EXT1: variants seen among roughly 807,000 people sequenced by gnomAD.
EXT1 encodes the protein exostosin-1.
In EXT1, 20 loss-of-function variants were observed where a neutral mutation model predicts 82.5. That is an observed-to-expected ratio of 0.24 (90% CI 0.17 to 0.35). The LOEUF (loss-of-function observed/expected upper bound fraction) is 0.35, where lower values mean the gene tolerates loss of function less well. Among genes scored for constraint, EXT1 ranks in the 10% least tolerant of loss-of-function variants. The pLI, the probability that EXT1 is intolerant of heterozygous loss-of-function variation, is 1.00. For synonymous variants in EXT1, 348 were observed against 350.8 expected (o/e 0.99, Z 0.09); for missense variants, 757 against 936.5 (o/e 0.81, Z 2.50).
intron 1 of EXT1, among the ~76,000 whole-genome samples, chr8:117,872,423 G>C (rs956738109): frequency 3.3e-5 from 5 of 151,814 alleles, no homozygotes; most frequent in African/African-American, 7.3e-5. Context: ...GTTCTTAATT[G>C]CTACATTGCA....
intron 1 of EXT1, among the ~76,000 whole-genome samples, chr8:118,109,775 A>C (rs1817860460): frequency 6.6e-6 from 1 of 152,152 alleles, no homozygotes. Flanking sequence ...TGCAGTTACT[A>C]AACTTGGATC....
intron 1 of EXT1, among the ~76,000 whole-genome samples, chr8:118,074,815 A>G (rs969085184): frequency 6.6e-6 from 1 of 152,220 alleles, no homozygotes; most frequent in African/African-American, 2.4e-5. Flanking sequence ...ATCCCTTTAC[A>G]ACTCTGTTAA....
intron 1 of EXT1, among the ~76,000 whole-genome samples, chr8:118,077,734 A>C (rs1474871548): frequency 6.6e-6 from 1 of 152,244 alleles, no homozygotes; most frequent in African/African-American, 2.4e-5. Context: ...ACAATTAAAA[A>C]AATGTTTTTA....
intron 8 of EXT1, 84 bp downstream of exon 8, chr8:117,812,788 C>T (rs183882957): frequency 3.3e-5 from 41 of 1,245,696 alleles, no homozygotes; most frequent in East Asian, 4.8e-5. Flanking sequence ...TGCCAAGGCA[C>T]GGCTAAAAGA....
chr8:117,800,006 C>T, intron 10 of EXT1, 109 bp from the exon 11 acceptor site: 1 of 1,162,668 alleles, frequency 8.6e-7, no homozygotes, highest in South Asian at 1.4e-5. Context: ...AGCTTGGGGT[C>T]TGGCCCGGCC....
chr8:118,069,838 A>G (rs2255931), intron 1 of EXT1, among the ~76,000 whole-genome samples: 50,318 of 151,964 alleles, frequency 0.33, 9,290 homozygotes, highest in East Asian at 0.49. Flanking sequence ...GTAATAATAC[A>G]GTGATCTTTT....
chr8:118,024,315 A>C (rs962867225), intron 1 of EXT1, among the ~76,000 whole-genome samples: 1 of 152,194 alleles, frequency 6.6e-6, no homozygotes, highest in African/African-American at 2.4e-5. Flanking sequence ...AAAATACCTA[A>C]GGTCTACAGA....
chr8:117,988,349 C>T (rs568353778), intron 1 of EXT1, among the ~76,000 whole-genome samples: 1 of 152,248 alleles, frequency 6.6e-6, no homozygotes, highest in African/African-American at 2.4e-5. Context: ...TTAGAGCACA[C>T]AAGGCTCACT....
At chr8:117,923,151 C>T (rs189279053) in intron 1 of EXT1, among the ~76,000 whole-genome samples, 149 of 151,944 alleles carry the variant, frequency 9.8e-4, no homozygotes, top group African/African-American at 3.3e-3. Flanking sequence ...ATGGTGAAAC[C>T]CCGTCTTTAC....
At chr8:118,002,528 C>CT (rs60354141) in intron 1 of EXT1, among the ~76,000 whole-genome samples, 934 of 87,060 alleles carry the variant, frequency 0.011, 23 homozygotes, top group Middle Eastern at 0.015. Context: ...GAATATTTTT[C>CT]TTTTTTTTTT....
intron 1 of EXT1, among the ~76,000 whole-genome samples, chr8:117,959,869 T>C (rs182275272): frequency 2.0e-4 from 30 of 152,344 alleles, no homozygotes; most frequent in Non-Finnish European, 5.9e-5. Flanking sequence ...AGCTTCATTG[T>C]GACTTCACAG....
chr8:118,111,286 G>C lies in EXT1; in HGVS notation c.-240C>G. On this transcript the variant is annotated 5_prime_UTR_variant, in exon 1 of 11. Coordinates refer to ENST00000378204, the MANE Select transcript of EXT1 (RefSeq NM_000127.3). The stretch of plus-strand genomic sequence containing the variant: ...GGTTGCACAATGCACGGGAGAGAGC[G>C]GGGCTGAATATCTCGCACCCAGGGC... 1.6e-6 allele frequency: 1 copy of C among 633,048 alleles called. No homozygotes were observed. Among genetic ancestry groups the C allele is most frequent in the African/African-American group, 1.8e-5 (1 of 54,680 alleles). 39.2% of individuals were successfully genotyped at this position (633,048 alleles called of 1,614,324 possible). A position where few individuals can be genotyped will look rare whatever the true frequency, so the allele number is the denominator to read the frequency against.
intron 1 of EXT1, among the ~76,000 whole-genome samples, chr8:117,875,016 T>A (rs989277773): frequency 6.6e-6 from 1 of 152,198 alleles, no homozygotes; most frequent in Non-Finnish European, 1.5e-5. Flanking sequence ...TTGGTCAGGT[T>A]TTCTATGGAT....
At chr8:117,976,685 C>T (rs1402690682) in intron 1 of EXT1, among the ~76,000 whole-genome samples, 2 of 152,168 alleles carry the variant, frequency 1.3e-5, no homozygotes, top group South Asian at 2.1e-4. Flanking sequence ...AAAATTCATA[C>T]GGTTGCACAT....
At chr8:118,009,720 C>T (rs1815855134) in intron 1 of EXT1, among the ~76,000 whole-genome samples, 1 of 152,100 alleles carries the variant, frequency 6.6e-6, no homozygotes, top group African/African-American at 2.4e-5. Context: ...GAACTGTGCA[C>T]GTGAGGGATC....
chr8:117,962,819 TA>T (rs1190763348), intron 1 of EXT1, among the ~76,000 whole-genome samples: 100 of 136,290 alleles, frequency 7.3e-4, no homozygotes, highest in African/African-American at 2.7e-3. Flanking sequence ...CCATCTAATC[TA>T]GAGGCTGAGG....
intron 1 of EXT1, among the ~76,000 whole-genome samples, chr8:117,897,591 C>CTCTCTTTTTTT (rs775608794): frequency 2.2e-5 from 2 of 90,656 alleles, no homozygotes; most frequent in African/African-American, 8.8e-5. Flanking sequence ...CTTCTTTTCT[C>CTCTCTTTTTTT]TTTTTTTTTT....
At chr8:117,924,404 T>C (rs1420903566) in intron 1 of EXT1, among the ~76,000 whole-genome samples, 1 of 152,188 alleles carries the variant, frequency 6.6e-6, no homozygotes, top group Non-Finnish European at 1.5e-5. Flanking sequence ...CAATGCTAAA[T>C]GAATGGGAAT....
At chr8:118,051,667 C>G (rs1816719183) in intron 1 of EXT1, among the ~76,000 whole-genome samples, 1 of 152,152 alleles carries the variant, frequency 6.6e-6, no homozygotes, top group Admixed American at 6.5e-5. Context: ...AGTTAACTTA[C>G]CAACTAATCA....
Sources: gnomAD v4.1 joint callset for allele counts (sites outside exome capture counted in the v4.1 genomes callset) on GRCh38, gnomAD v4.1.1 for gene constraint, MANE v1.5 for transcripts, NCBI Gene and HGNC (gene_info 2026-07-23, HGNC 2026-07-21) for gene names.